The following PLXNA4 variants were observed in gnomAD, a reference collection of about 807,000 sequenced individuals.
PLXNA4 encodes plexin-A4.
Under a neutral mutation model 191.8 loss-of-function variants are expected in PLXNA4, and 44 were observed. The observed-to-expected ratio is 0.23, with a 90% CI of 0.18 to 0.29. The LOEUF (loss-of-function observed/expected upper bound fraction) is 0.29, where lower values mean the gene tolerates loss of function less well. Ranked by LOEUF, PLXNA4 falls within the 10% of genes least tolerant of loss-of-function variation. The pLI is 1.00. For missense variants in PLXNA4, 1,800 were observed against 2,488.8 expected (o/e 0.72, Z 5.89); for synonymous variants, 1,082 against 1,009.5 (o/e 1.07, Z -1.36).
intron 30 of PLXNA4, among the ~76,000 whole-genome samples, chr7:132,135,882 G>A (rs1309381162): frequency 6.6e-6 from 1 of 152,046 alleles, no homozygotes; most frequent in East Asian, 1.9e-4. Flanking sequence ...ATCAAATCAG[G>A]GCACGTCTGT....
intron 3 of PLXNA4, among the ~76,000 whole-genome samples, chr7:132,426,717 A>G (rs529582920): frequency 6.6e-6 from 1 of 152,288 alleles, no homozygotes; most frequent in East Asian, 1.9e-4. Context: ...TGCATTCTCA[A>G]TGGGTACAAG....
At chr7:132,162,818 A>G (rs1481211295) in intron 24 of PLXNA4, among the ~76,000 whole-genome samples, 1 of 152,052 alleles carries the variant, frequency 6.6e-6, no homozygotes, top group Non-Finnish European at 1.5e-5. Flanking sequence ...TTGGAAAATG[A>G]GAGTGGGATA....
intron 1 of PLXNA4, among the ~76,000 whole-genome samples, chr7:132,570,355 G>C (rs921497839): frequency 2.0e-5 from 3 of 152,080 alleles, no homozygotes; most frequent in African/African-American, 7.2e-5. Context: ...GTCTGCTACT[G>C]TCTCCTCTCT....
At chr7:132,524,061 C>T (rs1799301630) in intron 1 of PLXNA4, among the ~76,000 whole-genome samples, 1 of 152,094 alleles carries the variant, frequency 6.6e-6, no homozygotes, top group African/African-American at 2.4e-5. Context: ...TAATGTCATC[C>T]TTATTCTCTG....
intron 3 of PLXNA4, among the ~76,000 whole-genome samples, chr7:132,390,560 TATAAAAA>T (rs1204721523): frequency 5.3e-5 from 8 of 151,818 alleles, no homozygotes; most frequent in Non-Finnish European, 8.8e-5. Flanking sequence ...GAACTTAAAG[TATAAAAA>T]ATAAAAAATA....
intron 3 of PLXNA4, among the ~76,000 whole-genome samples, chr7:132,406,335 C>T (rs1794218850): frequency 6.6e-6 from 1 of 152,182 alleles, no homozygotes; most frequent in Admixed American, 6.5e-5. Context: ...ACTTCAAGAA[C>T]TTCTTCAAAA....
At chr7:132,387,616 C>T (rs544731682) in intron 3 of PLXNA4, among the ~76,000 whole-genome samples, 109 of 152,300 alleles carry the variant, frequency 7.2e-4, no homozygotes, top group African/African-American at 2.6e-3. Flanking sequence ...CCAAAGGAAG[C>T]CCAGGAGAGT....
chr7:132,322,184 C>CTTTTT (rs5887566), intron 3 of PLXNA4, among the ~76,000 whole-genome samples: 21 of 122,496 alleles, frequency 1.7e-4, no homozygotes, highest in South Asian at 1.4e-3. Flanking sequence ...CCTAAAAGGG[C>CTTTTT]TTTTTTTTTT....
intron 1 of PLXNA4, among the ~76,000 whole-genome samples, chr7:132,544,513 G>A (rs1800211808): frequency 6.6e-6 from 1 of 152,180 alleles, no homozygotes; most frequent in Admixed American, 6.5e-5. Context: ...TAGAAAAGAA[G>A]GAGCACACAG....
At position 132,329,634 on chromosome 7, in the gene PLXNA4, T is replaced by A. The variant is rs186351705; in HGVS notation, c.1372-31412A>T. 3.0e-4 allele frequency among the ~76,000 whole-genome samples: 45 copies of A among 152,318 alleles called. No individual in the cohort carries two copies. In the East Asian group the frequency reaches 8.5e-3, roughly 29 times the overall value. ...GGCCTCCAGCTCCTTTGGATTTTTT[T>A]AAATTATCAAAATAATAACTCACAA... is the stretch of plus-strand genomic sequence containing the variant. On this transcript the variant is annotated intron_variant, in intron 3 of 31. Transcript: ENST00000321063.
At chr7:132,132,453 TTCTGTTCTGTTCTGC>T (rs1260879327) in intron 31 of PLXNA4, among the ~76,000 whole-genome samples, 1,563 of 56,570 alleles carry the variant, frequency 0.028, 22 homozygotes, top group Admixed American at 0.031. Flanking sequence ...TTCTGTTCTG[TTCTGTTCTGTTCTGC>T]TCTGCTCTGC....
At chr7:132,457,842 A>C (rs1344754375) in intron 3 of PLXNA4, among the ~76,000 whole-genome samples, 3 of 152,240 alleles carry the variant, frequency 2.0e-5, no homozygotes, top group Non-Finnish European at 4.4e-5. Context: ...AAAAGGAGCC[A>C]TGAGCCAAGG....
At chr7:132,410,352 G>C (rs908167891) in intron 3 of PLXNA4, among the ~76,000 whole-genome samples, 1 of 152,200 alleles carries the variant, frequency 6.6e-6, no homozygotes, top group South Asian at 2.1e-4. Flanking sequence ...ACCTTCAGAA[G>C]GAACAGGAAG....
intron 2 of PLXNA4, among the ~76,000 whole-genome samples, chr7:132,621,316 A>G (rs969572417): frequency 7.0e-6 from 1 of 143,470 alleles, no homozygotes; most frequent in African/African-American, 2.6e-5. Context: ...GCTGGAGTGC[A>G]ATGGCACAAT....
At chr7:132,404,717 G>A (rs1197791734) in intron 3 of PLXNA4, among the ~76,000 whole-genome samples, 1 of 152,168 alleles carries the variant, frequency 6.6e-6, no homozygotes, top group Non-Finnish European at 1.5e-5. Flanking sequence ...TAGTAACAGC[G>A]CCACCTCATA....
chr7:132,451,727 G>A (rs1329222371), intron 3 of PLXNA4, among the ~76,000 whole-genome samples: 2 of 152,196 alleles, frequency 1.3e-5, no homozygotes, highest in African/African-American at 4.8e-5. Context: ...ACTCCCATGA[G>A]ACTCCAAAAA....
chr7:132,209,870 C>T (rs6951911), intron 10 of PLXNA4, among the ~76,000 whole-genome samples: 1 of 152,004 alleles, frequency 6.6e-6, no homozygotes, highest in African/African-American at 2.4e-5. Context: ...CTGCCACTCA[C>T]TAGTTGTGTG....
At chr7:132,467,558 T>A (rs1434572026) in intron 3 of PLXNA4, among the ~76,000 whole-genome samples, 1 of 152,220 alleles carries the variant, frequency 6.6e-6, no homozygotes, top group Non-Finnish European at 1.5e-5. Flanking sequence ...CCAGTGCATG[T>A]CCTAAGCACA....
intron 3 of PLXNA4, among the ~76,000 whole-genome samples, chr7:132,438,778 G>A (rs1037199106): frequency 6.6e-6 from 1 of 151,986 alleles, no homozygotes; most frequent in African/African-American, 2.4e-5. Flanking sequence ...TGACAATTCT[G>A]TTCTTGGTCT....
Sources: gnomAD v4.1 joint callset for allele counts (sites outside exome capture counted in the v4.1 genomes callset) on GRCh38, gnomAD v4.1.1 for gene constraint, MANE v1.5 for transcripts, NCBI Gene and HGNC (gene_info 2026-07-23, HGNC 2026-07-21) for gene names.